USP12: variants seen among roughly 807,000 people sequenced by gnomAD.
USP12 encodes ubiquitin carboxyl-terminal hydrolase 12.
USP12 carries 19 observed loss-of-function variants against 45.5 expected under a neutral mutation model. That is an observed-to-expected ratio of 0.42 (90% CI 0.29 to 0.61). The LOEUF is 0.61. Ranked by LOEUF, USP12 falls within the 20% of genes least tolerant of loss-of-function variation. The pLI, the probability that USP12 is intolerant of heterozygous loss-of-function variation, is 0.22. For missense variants in USP12, 242 were observed against 447.7 expected (o/e 0.54, Z 4.15); for synonymous variants, 149 against 148.8 (o/e 1.00, Z -0.01).
At chr13:27,161,907 AT>A (rs1878127006) in intron 1 of USP12, among the ~76,000 whole-genome samples, 1 of 50,010 alleles carries the variant, frequency 2.0e-5, no homozygotes, top group African/African-American at 4.7e-5. Context: ...ATAAAAAAAA[AT>A]TAAAAAGCCA....
At chr13:27,169,898 A>G (rs984648174) in intron 1 of USP12, among the ~76,000 whole-genome samples, 1 of 152,216 alleles carries the variant, frequency 6.6e-6, no homozygotes, top group East Asian at 1.9e-4. Context: ...ACAGTACTTG[A>G]GTGAATGAAC....
intron 3 of USP12, among the ~76,000 whole-genome samples, chr13:27,098,636 G>T (rs182075526): frequency 1.3e-5 from 2 of 152,270 alleles, no homozygotes; most frequent in East Asian, 3.9e-4. Context: ...ACGTTGTAAA[G>T]GCAATTTTGG....
Position 27,132,777 on chromosome 13 carries a change from C to T in USP12, c.49-16181G>A, listed in dbSNP as rs142849383. Reference sequence around the variant, plus strand: ...TAAAAACCAAAGTGCTATGTATGAGCTCTTCTCTGCTCTCTCCACTCTCAC... The same window carrying T: ...TAAAAACCAAAGTGCTATGTATGAGTTCTTCTCTGCTCTCTCCACTCTCAC... On this transcript the variant is annotated intron_variant, in intron 1 of 8. Transcript: ENST00000282344. Among the ~76,000 whole-genome samples, 590 of 152,318 alleles carry T rather than the reference C, an allele frequency of 3.9e-3. 1 individual carries two copies. The highest frequency in any genetic ancestry group is 6.2e-3 in the Non-Finnish European group (421 of 68,028).
At chr13:27,088,036 G>A (rs560357997) in intron 6 of USP12, among the ~76,000 whole-genome samples, 2 of 152,290 alleles carry the variant, frequency 1.3e-5, no homozygotes, top group South Asian at 2.1e-4. Flanking sequence ...TAAAACATCT[G>A]GGGAACATTC....
At chr13:27,133,970 T>C (rs1186159864) in intron 1 of USP12, among the ~76,000 whole-genome samples, 1 of 151,988 alleles carries the variant, frequency 6.6e-6, no homozygotes, top group Non-Finnish European at 1.5e-5. Context: ...CATCTCTAAA[T>C]AAATAAAATA....
intron 1 of USP12, among the ~76,000 whole-genome samples, chr13:27,150,520 A>T (rs7318594): frequency 0.053 from 8,028 of 152,238 alleles, 253 homozygotes; most frequent in Non-Finnish European, 0.056. Context: ...TACTCCACAA[A>T]CTGATCTACA....
At chr13:27,089,733 C>T in intron 6 of USP12, 150 bp downstream of exon 6, 2 of 672,154 alleles carry the variant, frequency 3.0e-6, no homozygotes, top group South Asian at 2.2e-5. Flanking sequence ...TATCATTTAC[C>T]TAGTAATACT....
intron 1 of USP12, among the ~76,000 whole-genome samples, chr13:27,139,689 A>C (rs1876970531): frequency 6.6e-6 from 1 of 152,238 alleles, no homozygotes; most frequent in South Asian, 2.1e-4. Context: ...AATTTCATAC[A>C]TGCAAGTCCC....
At chr13:27,128,554 T>C (rs566470874) in intron 1 of USP12, among the ~76,000 whole-genome samples, 1 of 152,300 alleles carries the variant, frequency 6.6e-6, no homozygotes, top group South Asian at 2.1e-4. Flanking sequence ...GCAAGATGTG[T>C]TTTTTCAGCA....
chr13:27,138,344 A>T (rs528892191), intron 1 of USP12, among the ~76,000 whole-genome samples: 16 of 152,364 alleles, frequency 1.1e-4, no homozygotes, highest in Non-Finnish European at 2.2e-4. Context: ...AAGATGTATG[A>T]ACAAGTCTAT....
intron 1 of USP12, among the ~76,000 whole-genome samples, chr13:27,123,252 G>A (rs1593195979): frequency 6.6e-6 from 1 of 152,128 alleles, no homozygotes; most frequent in African/African-American, 2.4e-5. Flanking sequence ...TAAATGACCT[G>A]TAACAAATCA....
intron 6 of USP12, among the ~76,000 whole-genome samples, chr13:27,080,226 A>G (rs1432891597): frequency 1.3e-5 from 2 of 152,204 alleles, no homozygotes; most frequent in African/African-American, 2.4e-5. Flanking sequence ...GAAGACTTGC[A>G]TGGGGGTGTG....
In USP12 at chr13:27,133,197, A is replaced by G. The variant is rs556900241; in HGVS notation, c.49-16601T>C. 2.1e-3 allele frequency among the ~76,000 whole-genome samples: 317 copies of G among 152,304 alleles called. 1 individual carries two copies. Among genetic ancestry groups the G allele is most frequent in the Middle Eastern group, 0.014 (4 of 294 alleles). On this transcript the variant is annotated intron_variant, in intron 1 of 8. Coordinates refer to ENST00000282344, the MANE Select transcript of USP12 (RefSeq NM_182488.4). ...ATAACACAGTCTATCCTCTAGCTCTATTCCAGTTCAATAAACTTAACGCAA... is the reference window on the plus strand; with the variant it reads ...ATAACACAGTCTATCCTCTAGCTCTGTTCCAGTTCAATAAACTTAACGCAA...
intron 6 of USP12, among the ~76,000 whole-genome samples, chr13:27,079,992 T>C (rs1270296084): frequency 1.9e-4 from 29 of 152,290 alleles, no homozygotes; most frequent in Non-Finnish European, 4.4e-5. Flanking sequence ...CTCAGTGAGA[T>C]ATAAGCAATG....
At position 27,069,228 on chromosome 13, in the gene USP12, C is replaced by T; in HGVS notation, c.*55G>A. 1 of 1,483,018 alleles carries T rather than the reference C, an allele frequency of 6.7e-7. No individual in the cohort carries two copies. The allele number at this position is 1,483,018 out of a possible 1,614,324, so 91.9% of individuals were successfully genotyped here. A position where few individuals can be genotyped will look rare whatever the true frequency, so the allele number is the denominator to read the frequency against. ...TGAAAAATCAGTGCTTGATCCTTTC[C>T]AAAATAACCAGAGAAGAAATGAGGC... On this transcript the variant is annotated 3_prime_UTR_variant, in exon 9 of 9. Transcript: ENST00000282344.
At chr13:27,115,625 G>C (rs1875694213) in intron 2 of USP12, among the ~76,000 whole-genome samples, 1 of 152,200 alleles carries the variant, frequency 6.6e-6, no homozygotes, top group South Asian at 2.1e-4. Flanking sequence ...TATAGCACAA[G>C]TTTGTGATAC....
chr13:27,141,988 G>C (rs1877083212), intron 1 of USP12, among the ~76,000 whole-genome samples: 1 of 152,160 alleles, frequency 6.6e-6, no homozygotes, highest in African/African-American at 2.4e-5. Context: ...GGTACATGAT[G>C]GCGTGTGCCT....
rs532940738 is a variant in USP12, at chr13:27,129,272, A to C, written c.49-12676T>G. Among the ~76,000 whole-genome samples, 1 of 152,270 alleles carries C rather than the reference A, an allele frequency of 6.6e-6. No homozygotes were observed. Among genetic ancestry groups the C allele is most frequent in the Admixed American group, 6.5e-5 (1 of 15,286 alleles). ...CATCTCTGCCAGTCCTGTTTTCTAGACCTCGATTCCCCTGACCTATAAAAT... is the reference window on the plus strand; with the variant it reads ...CATCTCTGCCAGTCCTGTTTTCTAGCCCTCGATTCCCCTGACCTATAAAAT... On this transcript the variant is annotated intron_variant, in intron 1 of 8. Coordinates refer to ENST00000282344, the MANE Select transcript of USP12 (RefSeq NM_182488.4). This position sits in a 1 kb window ranked among gnomAD's most constrained non-coding sequence, Gnocchi z 4.0.
At chr13:27,157,632 TGTAA>T (rs1333188058) in intron 1 of USP12, among the ~76,000 whole-genome samples, 1 of 152,198 alleles carries the variant, frequency 6.6e-6, no homozygotes, top group Non-Finnish European at 1.5e-5. Context: ...CATTAAATCA[TGTAA>T]GTAATTTTAA....
Sources: allele counts gnomAD v4.1 joint callset (sites outside exome capture counted in the v4.1 genomes callset), GRCh38; gene constraint gnomAD v4.1.1; non-coding constraint Gnocchi (gnomAD v3.1); transcripts MANE v1.5; gene names NCBI Gene and HGNC (gene_info 2026-07-23, HGNC 2026-07-21).